The following MECR variants were observed in gnomAD, a reference collection of about 807,000 sequenced individuals.
MECR encodes enoyl-[acyl-carrier-protein] reductase, mitochondrial.
A neutral mutation model predicts 49.1 loss-of-function variants in MECR; 37 were observed. The observed-to-expected ratio is 0.75, with a 90% CI of 0.58 to 0.99. MECR has a LOEUF of 0.99. Ranked by LOEUF, MECR falls within the 50% of genes least tolerant of loss-of-function variation. MECR has a pLI of 0.00. For missense variants in MECR, 470 were observed against 479.6 expected (o/e 0.98, Z 0.19); for synonymous variants, 198 against 191.1 (o/e 1.04, Z -0.30).
intron 2 of MECR, 57 bp from the exon 3 acceptor site, chr1:29,216,193 T>G: frequency 6.2e-6 from 10 of 1,602,344 alleles, no homozygotes; most frequent in African/African-American, 1.3e-5. Flanking sequence ...TGAAAGAGCA[T>G]GGACTTGAGT....
intron 1 of MECR, chr1:29,230,530 C>A: frequency 1.7e-6 from 1 of 587,922 alleles, no homozygotes; most frequent in Non-Finnish European, 3.0e-6. Flanking sequence ...GCCATTAATA[C>A]CCTGATAATT....
rs1679511305 is a variant in MECR, at chr1:29,216,788, C to T, written c.177-103G>A. 1.9e-6 allele frequency: 3 copies of T among 1,583,532 alleles called. 1 individual carries two copies. The South Asian group carries it at 3.4e-5, about 18-fold the overall frequency. The stretch of plus-strand genomic sequence containing the variant: ...TAGGTCAGGCAACATTTCTGAGCTG[C>T]CATGTGTGCCCAGGAATTACGGTTC... On this transcript the variant is annotated intron_variant, in intron 1 of 9. Coordinates refer to ENST00000263702, the MANE Select transcript of MECR (RefSeq NM_016011.5).
intron 2 of MECR, 114 bp from the exon 3 acceptor site, chr1:29,216,250 C>T (rs1679379825): frequency 1.6e-6 from 2 of 1,236,446 alleles, no homozygotes; most frequent in Non-Finnish European, 2.3e-6. Flanking sequence ...GACTGTCTGC[C>T]TAACCAACCT....
chr1:29,185,536 C>A, the MECR span, among the ~76,000 whole-genome samples: 1 of 152,212 alleles, frequency 6.6e-6, no homozygotes, highest in East Asian at 1.9e-4. Context: ...CTGCCTCAGC[C>A]TCCTGAGTAG....
the MECR span, among the ~76,000 whole-genome samples, chr1:29,184,275 A>G: frequency 6.7e-6 from 1 of 148,838 alleles, no homozygotes; most frequent in Non-Finnish European, 1.5e-5. Flanking sequence ...TCCAGGTTCA[A>G]GCAATTCTCC....
downstream of MECR, among the ~76,000 whole-genome samples, chr1:29,189,892 G>T (rs1227256373): frequency 6.6e-6 from 1 of 151,912 alleles, no homozygotes; most frequent in Non-Finnish European, 1.5e-5. Context: ...TCCCTTTTTC[G>T]GCTTCAGATT....
At chr1:29,195,845 A>G (rs2151843238) in intron 9 of MECR, 96 bp downstream of exon 9, 2 of 1,266,336 alleles carry the variant, frequency 1.6e-6, no homozygotes, top group Non-Finnish European at 2.3e-6. Flanking sequence ...TGGGGACCCA[A>G]TCACCCCTCC....
the MECR span, among the ~76,000 whole-genome samples, chr1:29,184,050 T>A: frequency 6.6e-6 from 1 of 151,342 alleles, no homozygotes; most frequent in Non-Finnish European, 1.5e-5. Flanking sequence ...GGCTAATTTT[T>A]TTGTATTTTA....
chr1:29,174,086 G>A, the MECR span, among the ~76,000 whole-genome samples: 1 of 151,788 alleles, frequency 6.6e-6, no homozygotes, highest in Non-Finnish European at 1.5e-5. Context: ...CTACTTGGGA[G>A]GCTGAGGCAG....
chr1:29,207,892 G>A (rs1157289521), intron 3 of MECR, among the ~76,000 whole-genome samples: 2 of 152,152 alleles, frequency 1.3e-5, no homozygotes, highest in African/African-American at 2.4e-5. Context: ...TGCAATCTAA[G>A]GGTAAGACAG....
At chr1:29,183,012 G>C in the MECR span, among the ~76,000 whole-genome samples, 5 of 152,350 alleles carry the variant, frequency 3.3e-5, no homozygotes, top group Non-Finnish European at 7.3e-5. Context: ...CATGTACCTA[G>C]AACCATAAAG....
At chr1:29,181,016 G>A in the MECR span, among the ~76,000 whole-genome samples, 1 of 152,186 alleles carries the variant, frequency 6.6e-6, no homozygotes, top group Non-Finnish European at 1.5e-5. Flanking sequence ...TTAAAGATAA[G>A]AAGTTAAGAC....
At chr1:29,229,028 G>A (rs1682805695) in intron 1 of MECR, 1 of 152,146 alleles carries the variant, frequency 6.6e-6, no homozygotes, top group Non-Finnish European at 1.5e-5. Flanking sequence ...TTAGTGAGAT[G>A]TCTTCCCTGA....
At chr1:29,215,934 T>C in intron 3 of MECR, 71 bp downstream of exon 3, 2 of 1,582,108 alleles carry the variant, frequency 1.3e-6, no homozygotes, top group African/African-American at 2.7e-5. Context: ...GGCCAATCAG[T>C]GGATGCCGAC....
chr1:29,224,080 T>C (rs1681455582), intron 1 of MECR: 1 of 152,178 alleles, frequency 6.6e-6, no homozygotes, highest in African/African-American at 2.4e-5. Context: ...CAAAGAAACC[T>C]TCTCAATCCC....
chr1:29,189,705 G>C (rs1054459031), downstream of MECR, among the ~76,000 whole-genome samples: 4 of 152,098 alleles, frequency 2.6e-5, no homozygotes, highest in Non-Finnish European at 5.9e-5. Context: ...GAACCTGGGA[G>C]TCTCTGATTT....
chr1:29,176,823 C>A, the MECR span, among the ~76,000 whole-genome samples: 2 of 152,202 alleles, frequency 1.3e-5, no homozygotes, highest in Non-Finnish European at 2.9e-5. Flanking sequence ...ACCACAACAT[C>A]CCCTGAAAAT....
the MECR span, chr1:29,173,272 G>C: frequency 6.7e-6 from 1 of 150,228 alleles, no homozygotes; most frequent in Non-Finnish European, 1.5e-5. Flanking sequence ...CAAGTAGCTG[G>C]GACTACAGGC....
At chr1:29,222,564 AC>A (rs1234895896) in intron 1 of MECR, among the ~76,000 whole-genome samples, 2 of 152,162 alleles carry the variant, frequency 1.3e-5, no homozygotes, top group African/African-American at 2.4e-5. Context: ...TGGGCTGGGA[AC>A]ATTACAGTAT....
Sources: gnomAD v4.1 joint callset for allele counts (sites outside exome capture counted in the v4.1 genomes callset) on GRCh38, gnomAD v4.1.1 for gene constraint, MANE v1.5 for transcripts, NCBI Gene and HGNC (gene_info 2026-07-23, HGNC 2026-07-21) for gene names.